CDH13: variants seen among roughly 807,000 people sequenced by gnomAD.
CDH13 encodes cadherin 13, also known as cadherin-13.
CDH13 carries 24 observed loss-of-function variants against 63.8 expected under a neutral mutation model. The ratio of observed to expected loss-of-function variants is 0.38; its 90% CI spans 0.27 to 0.53. The LOEUF is 0.53. Ranked by LOEUF, CDH13 falls within the 20% of genes least tolerant of loss-of-function variation. The pLI is 0.85. For synonymous variants in CDH13, 503 were observed against 355.3 expected (o/e 1.42, Z -4.67); for missense variants, 1,049 against 903.1 (o/e 1.16, Z -2.07).
At chr16:83,752,492 CT>C (rs1436197933) in intron 11 of CDH13, among the ~76,000 whole-genome samples, 1 of 152,198 alleles carries the variant, frequency 6.6e-6, no homozygotes. Context: ...TTTTAACAGT[CT>C]TTAAAATTTC....
At chr16:83,546,382 T>G (rs1001569982) in intron 7 of CDH13, among the ~76,000 whole-genome samples, 5 of 152,004 alleles carry the variant, frequency 3.3e-5, no homozygotes, top group African/African-American at 1.2e-4. Flanking sequence ...TAACTTAAAA[T>G]TTTATTTTCG....
At chr16:83,310,863 A>C (rs1465437098) in intron 5 of CDH13, among the ~76,000 whole-genome samples, 5 of 152,154 alleles carry the variant, frequency 3.3e-5, no homozygotes, top group African/African-American at 4.8e-5. Context: ...CCTCCTAACA[A>C]ACCCAACTGA....
intron 6 of CDH13, among the ~76,000 whole-genome samples, chr16:83,473,616 C>G (rs185759465): frequency 6.6e-6 from 1 of 152,266 alleles, no homozygotes; most frequent in African/African-American, 2.4e-5. Context: ...CTGGACCTAG[C>G]CTAAAGATGC....
At chr16:83,415,683 A>G (rs2092190017) in intron 6 of CDH13, among the ~76,000 whole-genome samples, 1 of 152,200 alleles carries the variant, frequency 6.6e-6, no homozygotes, top group Non-Finnish European at 1.5e-5. Flanking sequence ...ATGCAGAAAA[A>G]GTACTTGACA....
chr16:82,821,929 A>G (rs141601324), intron 1 of CDH13, among the ~76,000 whole-genome samples: 1 of 152,326 alleles, frequency 6.6e-6, no homozygotes, highest in Non-Finnish European at 1.5e-5. Context: ...CTCCAGTGAT[A>G]TAAGAATGTG....
chr16:83,112,436 T>G (rs940321007), intron 3 of CDH13, among the ~76,000 whole-genome samples: 2 of 152,200 alleles, frequency 1.3e-5, no homozygotes, highest in African/African-American at 4.8e-5. Flanking sequence ...GAAATTTGTG[T>G]TTCTGTGCGG....
intron 2 of CDH13, among the ~76,000 whole-genome samples, chr16:82,955,711 C>T (rs970901351): frequency 1.3e-5 from 2 of 152,182 alleles, no homozygotes; most frequent in African/African-American, 2.4e-5. Context: ...GGAAACTGCA[C>T]TAGAAGATAC....
At chr16:83,540,024 A>G (rs2075269705) in intron 7 of CDH13, among the ~76,000 whole-genome samples, 1 of 152,030 alleles carries the variant, frequency 6.6e-6, no homozygotes, top group Non-Finnish European at 1.5e-5. Flanking sequence ...TTTGTCCTGG[A>G]CAAGACTGAT....
At chr16:82,837,737 C>T (rs1041535759) in intron 1 of CDH13, among the ~76,000 whole-genome samples, 1 of 152,192 alleles carries the variant, frequency 6.6e-6, no homozygotes, top group Non-Finnish European at 1.5e-5. Flanking sequence ...GCTCATCGAG[C>T]TGGTCACGTA....
intron 6 of CDH13, among the ~76,000 whole-genome samples, chr16:83,435,159 G>C (rs1463883811): frequency 6.6e-6 from 1 of 151,696 alleles, no homozygotes; most frequent in African/African-American, 2.4e-5. Flanking sequence ...TGATTCTCCT[G>C]CCTCAGCCAC....
intron 2 of CDH13, among the ~76,000 whole-genome samples, chr16:82,934,210 G>T (rs1248408608): frequency 6.6e-6 from 1 of 152,200 alleles, no homozygotes; most frequent in African/African-American, 2.4e-5. Flanking sequence ...TGAAGTCTAG[G>T]CAGATGTTCC....
chr16:82,795,055 A>G (rs916787395), intron 1 of CDH13, among the ~76,000 whole-genome samples: 1 of 152,154 alleles, frequency 6.6e-6, no homozygotes, highest in Non-Finnish European at 1.5e-5. Context: ...TCATAGTCTC[A>G]TTCATGATGT....
intron 7 of CDH13, among the ~76,000 whole-genome samples, chr16:83,537,453 T>G (rs555039551): frequency 6.6e-6 from 1 of 152,200 alleles, no homozygotes; most frequent in Non-Finnish European, 1.5e-5. Context: ...ATATAATGTA[T>G]TTGAATTTGA....
At chr16:83,125,890 C>T (rs779750247) in intron 4 of CDH13, among the ~76,000 whole-genome samples, 60 of 152,202 alleles carry the variant, frequency 3.9e-4, no homozygotes, top group Non-Finnish European at 6.5e-4. Context: ...TTTAGGTCTA[C>T]GCGTACCACT....
At chr16:83,179,720 A>C (rs1161224285) in intron 4 of CDH13, among the ~76,000 whole-genome samples, 1 of 152,078 alleles carries the variant, frequency 6.6e-6, no homozygotes, top group East Asian at 1.9e-4. Context: ...TCACAGAACC[A>C]GAGTTTGAAT....
intron 3 of CDH13, among the ~76,000 whole-genome samples, chr16:83,061,304 T>G (rs78085360): frequency 0.011 from 1,631 of 152,306 alleles, 23 homozygotes; most frequent in African/African-American, 0.037. Context: ...CAATTGAGGC[T>G]GTACATCAGG....
chr16:83,192,211 T>A (rs1016678601), intron 4 of CDH13, among the ~76,000 whole-genome samples: 5 of 152,188 alleles, frequency 3.3e-5, no homozygotes, highest in African/African-American at 9.7e-5. Flanking sequence ...TGGAAATTAT[T>A]GTGAATGCAA....
intron 4 of CDH13, among the ~76,000 whole-genome samples, chr16:83,170,484 C>T (rs768711337): frequency 2.0e-5 from 3 of 152,100 alleles, no homozygotes; most frequent in Admixed American, 1.3e-4. Context: ...TGAGGCAAAG[C>T]GTGAGAAACT....
chr16:83,565,383 C>CTTTTTTTT (rs369127310), intron 7 of CDH13, among the ~76,000 whole-genome samples: 34 of 130,546 alleles, frequency 2.6e-4, no homozygotes, highest in Non-Finnish European at 4.4e-4. Flanking sequence ...TTCCACTGTT[C>CTTTTTTTT]TTTTTTTTTT....
Sources: gnomAD v4.1 joint callset for allele counts (sites outside exome capture counted in the v4.1 genomes callset) on GRCh38, gnomAD v4.1.1 for gene constraint, MANE v1.5 for transcripts, NCBI Gene and HGNC (gene_info 2026-07-23, HGNC 2026-07-21) for gene names.